COL21A1: variants seen among roughly 807,000 people sequenced by gnomAD.
COL21A1 encodes collagen alpha-1(XXI) chain.
COL21A1 carries 149 observed loss-of-function variants against 137.9 expected under a neutral mutation model. The observed-to-expected ratio is 1.08, with a 90% CI of 0.95 to 1.24. The LOEUF is 1.24. Ranked by LOEUF, COL21A1 falls within the 50% of genes most tolerant of loss-of-function variation. The probability of loss-of-function intolerance (pLI) is 0.00; values close to 1 mark genes in which losing one functional copy is unlikely to be tolerated. For synonymous variants in COL21A1, 456 were observed against 391.5 expected (o/e 1.16, Z -1.95); for missense variants, 1,167 against 1,158.4 (o/e 1.01, Z -0.11).
At chr6:56,140,986 A>C (rs1257500582) in intron 12 of COL21A1, among the ~76,000 whole-genome samples, 1 of 152,216 alleles carries the variant, frequency 6.6e-6, no homozygotes, top group Non-Finnish European at 1.5e-5. Flanking sequence ...GTAGAATTAT[A>C]GTTATTCTTT....
At chr6:56,137,730 A>G (rs997270046) in intron 12 of COL21A1, among the ~76,000 whole-genome samples, 2 of 151,634 alleles carry the variant, frequency 1.3e-5, no homozygotes, top group Non-Finnish European at 2.9e-5. Context: ...TATAATACCA[A>G]CAGAAAAAAG....
chr6:56,350,766 C>T (rs994688436), intron 1 of COL21A1, among the ~76,000 whole-genome samples: 1 of 152,148 alleles, frequency 6.6e-6, no homozygotes, highest in Non-Finnish European at 1.5e-5. Context: ...AAGTTAGTAA[C>T]CTAGGGCCTT....
chr6:56,272,737 T>G (rs2152332675), intron 1 of COL21A1, among the ~76,000 whole-genome samples: 1 of 152,156 alleles, frequency 6.6e-6, no homozygotes, highest in South Asian at 2.1e-4. Flanking sequence ...TCTCATGAGA[T>G]CTGATGGTTT....
intron 1 of COL21A1, among the ~76,000 whole-genome samples, chr6:56,202,720 T>G (rs1362192031): frequency 6.6e-6 from 1 of 152,208 alleles, no homozygotes; most frequent in East Asian, 1.9e-4. Context: ...GTACACTATA[T>G]TACATAATAT....
At chr6:56,086,909 C>A (rs1758010400) in intron 17 of COL21A1, among the ~76,000 whole-genome samples, 1 of 152,142 alleles carries the variant, frequency 6.6e-6, no homozygotes. Flanking sequence ...TGTTTTCTGG[C>A]ATTGCTTCTT....
chr6:56,100,478 G>A (rs1770355885), intron 17 of COL21A1, among the ~76,000 whole-genome samples: 2 of 152,076 alleles, frequency 1.3e-5, no homozygotes, highest in Non-Finnish European at 2.9e-5. Flanking sequence ...AAATATTCAG[G>A]GATGTGAAGT....
At chr6:56,286,503 A>G (rs1763917819) in intron 1 of COL21A1, among the ~76,000 whole-genome samples, 1 of 152,212 alleles carries the variant, frequency 6.6e-6, no homozygotes, top group East Asian at 1.9e-4. Context: ...TATTTCCCAA[A>G]TAAAATTCTA....
intron 17 of COL21A1, among the ~76,000 whole-genome samples, chr6:56,093,084 G>A (rs1768995257): frequency 6.6e-6 from 1 of 151,960 alleles, no homozygotes; most frequent in South Asian, 2.1e-4. Context: ...GGTCCACTGG[G>A]ATAAGCCAAG....
chr6:56,107,221 A>G (rs981400288), intron 16 of COL21A1, among the ~76,000 whole-genome samples: 2 of 152,228 alleles, frequency 1.3e-5, no homozygotes, highest in African/African-American at 2.4e-5. Context: ...AAACCAAGGG[A>G]GAATAGATTT....
chr6:56,246,081 T>G (rs943742249), intron 1 of COL21A1, among the ~76,000 whole-genome samples: 2 of 150,956 alleles, frequency 1.3e-5, no homozygotes, highest in African/African-American at 4.8e-5. Context: ...AGCCAAAATT[T>G]TGAAATCTCA....
intron 1 of COL21A1, among the ~76,000 whole-genome samples, chr6:56,191,591 CAAAAA>C: frequency 8.3e-6 from 1 of 121,178 alleles, no homozygotes; most frequent in South Asian, 2.8e-4. Context: ...GACTCTATCT[CAAAAA>C]AAAAAAAAAA....
chr6:56,076,450 G>T (rs2114126672), intron 18 of COL21A1, among the ~76,000 whole-genome samples: 1 of 150,624 alleles, frequency 6.6e-6, no homozygotes, highest in South Asian at 2.1e-4. Flanking sequence ...ACAGAATTTA[G>T]AATTAGATAT....
chr6:56,064,788 A>C (rs980158852), intron 23 of COL21A1, among the ~76,000 whole-genome samples, 166 bp from the exon 24 acceptor site: 4 of 152,068 alleles, frequency 2.6e-5, no homozygotes, highest in African/African-American at 7.2e-5. Context: ...ACTCAGCGAA[A>C]AAGAAGAAGA....
chr6:56,115,563 G>T (rs542992019), intron 16 of COL21A1, among the ~76,000 whole-genome samples: 2 of 152,174 alleles, frequency 1.3e-5, no homozygotes, highest in African/African-American at 4.8e-5. Context: ...CTACAAATAA[G>T]CCCAGACAGT....
intron 10 of COL21A1, among the ~76,000 whole-genome samples, chr6:56,153,751 T>C (rs191311978): frequency 6.6e-6 from 1 of 152,142 alleles, no homozygotes; most frequent in Non-Finnish European, 1.5e-5. Flanking sequence ...ACACACCTAA[T>C]AGGATGACAC....
chr6:56,056,678 G>T lies in COL21A1; in HGVS notation c.*979C>A, dbSNP rs919681614. ...ACAAGGATGAAATATTTCAAATTCT[G>T]TTTCTTACAAAAGCATTAAGCACAA... On this transcript the variant is annotated 3_prime_UTR_variant, in exon 30 of 30. Transcript: ENST00000244728. The T allele has an allele frequency of 6.6e-6, 1 of 152,124 alleles. No homozygotes were observed. Among genetic ancestry groups the T allele is most frequent in the African/African-American group, 2.4e-5 (1 of 41,438 alleles). 9.4% of individuals were successfully genotyped at this position (152,124 alleles called of 1,614,324 possible).
At chr6:56,274,006 A>G (rs1763585938) in intron 1 of COL21A1, among the ~76,000 whole-genome samples, 1 of 152,186 alleles carries the variant, frequency 6.6e-6, no homozygotes, top group African/African-American at 2.4e-5. Context: ...ACCCAACCCC[A>G]GTAGCACATC....
At chr6:56,126,677 A>G (rs2152215023) in intron 12 of COL21A1, 1 of 152,420 alleles carries the variant, frequency 6.6e-6, no homozygotes, top group African/African-American at 2.4e-5. Flanking sequence ...AGAAAAGACG[A>G]AGAAAAGTCA....
intron 1 of COL21A1, among the ~76,000 whole-genome samples, chr6:56,244,303 T>C (rs2152326621): frequency 6.6e-6 from 1 of 152,346 alleles, no homozygotes; most frequent in East Asian, 1.9e-4. Context: ...TGCTGCCCCA[T>C]CTGTCACTCT....
Sources: gnomAD v4.1 joint callset for allele counts (sites outside exome capture counted in the v4.1 genomes callset) on GRCh38, gnomAD v4.1.1 for gene constraint, MANE v1.5 for transcripts, NCBI Gene and HGNC (gene_info 2026-07-23, HGNC 2026-07-21) for gene names.